Variants in SCN8A observed in about 807,000 individuals in gnomAD.
SCN8A encodes the protein sodium voltage-gated channel alpha subunit 8, also known as sodium channel protein type 8 subunit alpha.
Under a neutral mutation model 184.1 loss-of-function variants are expected in SCN8A, and 30 were observed. The ratio of observed to expected loss-of-function variants is 0.16; its 90% CI spans 0.12 to 0.22. The LOEUF is 0.22. SCN8A is among the 10% of genes least tolerant of loss of function. The pLI, the probability that SCN8A is intolerant of heterozygous loss-of-function variation, is 1.00. For missense variants in SCN8A, 1,057 were observed against 2,498.9 expected, an observed-to-expected ratio of 0.42 and a Z score of 12.30; for synonymous variants, 852 against 907.0, an observed-to-expected ratio of 0.94 and a Z score of 1.09.
At chr12:51,774,040 A>G in intron 19 of SCN8A, 149 bp from the exon 20 acceptor site, 1 of 545,072 alleles carries the variant, frequency 1.8e-6, no homozygotes, top group South Asian at 3.2e-5. Flanking sequence ...TAAAACATAA[A>G]AAGCCTGTGT....
intron 6 of SCN8A, among the ~76,000 whole-genome samples, chr12:51,696,197 G>A (rs572123695): frequency 3.5e-4 from 53 of 152,266 alleles, no homozygotes; most frequent in Admixed American, 7.2e-4. Context: ...TGTCTGAATC[G>A]TCTGGAGAGA....
chr12:51,609,314 A>G (rs1050396605), intron 1 of SCN8A, among the ~76,000 whole-genome samples: 2 of 152,220 alleles, frequency 1.3e-5, no homozygotes, highest in African/African-American at 4.8e-5. Context: ...CCCTTGTTAA[A>G]TGGATTTGTA....
At position 51,704,696 on chromosome 12, in the gene SCN8A, C is replaced by T. The variant is rs560793833; in HGVS notation, c.1135-721C>T. On this transcript the variant is annotated intron_variant, in intron 9 of 26. Coordinates refer to ENST00000627620, the MANE Select transcript of SCN8A (RefSeq NM_001330260.2). ...AAAAAAAAAAAAAAAAAAATGGGTC[C>T]GGGCGTGGTGGCTCACGCCTGTAAT... Among the ~76,000 whole-genome samples the T allele has an allele frequency of 2.0e-4, 30 of 146,734 alleles. No homozygotes were observed. In the East Asian group the frequency reaches 2.9e-3, roughly 14 times the overall value.
At chr12:51,686,282 A>T in intron 3 of SCN8A, 86 bp from the exon 4 acceptor site, 1 of 792,312 alleles carries the variant, frequency 1.3e-6, no homozygotes, top group Non-Finnish European at 2.2e-6. Flanking sequence ...ATTGATTTAG[A>T]TCTGATACCC....
chr12:51,780,144 G>A, intron 20 of SCN8A: 1 of 438,682 alleles, frequency 2.3e-6, no homozygotes, highest in Non-Finnish European at 4.6e-6. Flanking sequence ...TGGTGAATGA[G>A]CTGAGGAGGG....
At chr12:51,626,688 G>A (rs1264747259) in intron 1 of SCN8A, among the ~76,000 whole-genome samples, 1 of 151,838 alleles carries the variant, frequency 6.6e-6, no homozygotes, top group Non-Finnish European at 1.5e-5. Flanking sequence ...ATAAACATTA[G>A]TATTTAGGAC....
chr12:51,781,760 T>C lies in SCN8A; in HGVS notation c.3942+989T>C, dbSNP rs184707123. Among the ~76,000 whole-genome samples, 27 of 152,344 alleles carry C rather than the reference T, an allele frequency of 1.8e-4. No homozygotes were observed. In the East Asian group the frequency reaches 2.9e-3, roughly 16 times the overall value. On this transcript the variant is annotated intron_variant, in intron 21 of 26. Coordinates refer to ENST00000627620, the MANE Select transcript of SCN8A (RefSeq NM_001330260.2). ...GTGGTGATCAGAGAGAGGTCTGTTA[T>C]ACTTAACGAGACCAAGAAAACTCGC... is the stretch of plus-strand genomic sequence containing the variant.
At chr12:51,755,526 G>A (rs1183300045) in intron 14 of SCN8A, among the ~76,000 whole-genome samples, 1 of 152,132 alleles carries the variant, frequency 6.6e-6, no homozygotes, top group African/African-American at 2.4e-5. Context: ...TTTAGAAGTA[G>A]AGATCTAGGC....
chr12:51,806,818 G>C lies in SCN8A; in HGVS notation c.5332G>C (p.Asp1778His). The C allele has an allele frequency of 3.7e-6, 6 of 1,614,210 alleles. No homozygotes were observed. Among genetic ancestry groups the C allele is most frequent in the Non-Finnish European group, 4.2e-6 (5 of 1,180,034 alleles). ...CAGTGTAGCCACAGAGGAAAGTGCA[G>C]ACCCTCTGAGTGAGGATGACTTTGA... Reference protein sequence around the residue: ...NFSVATEESADPLSEDDFETF... With the variant: ...NFSVATEESAHPLSEDDFETF... The change falls in exon 27 of 27, where the codon GAC becomes CAC. Residue 1778 changes from aspartate to histidine, a missense_variant. Physicochemically the swap from Asp to His is moderately conservative, Grantham distance 81. Around this residue, in one of 19 missense-constraint regions of SCN8A, gnomAD observed 50 missense variants for 125.8 expected, o/e 0.40. Transcript: ENST00000627620. The surrounding 1 kb of genome is among the most constrained non-coding windows in gnomAD (Gnocchi z 8.7).
At chr12:51,782,402 G>A (rs111624861) in intron 21 of SCN8A, among the ~76,000 whole-genome samples, 2,068 of 152,286 alleles carry the variant, frequency 0.014, 47 homozygotes, top group African/African-American at 0.043. Flanking sequence ...TTTCCAGAGG[G>A]AGCTAATAAA....
chr12:51,679,864 T>TAC (rs1941298464), intron 2 of SCN8A, among the ~76,000 whole-genome samples: 1 of 151,854 alleles, frequency 6.6e-6, no homozygotes, highest in South Asian at 2.1e-4. Context: ...TAGCTGGGAC[T>TAC]ACAGGCACAT....
intron 13 of SCN8A, among the ~76,000 whole-genome samples, chr12:51,749,739 A>G (rs540436693): frequency 2.0e-5 from 3 of 152,170 alleles, no homozygotes; most frequent in Non-Finnish European, 4.4e-5. Flanking sequence ...TCTAAAATAA[A>G]GCATCGCCAT....
Position 51,684,317 on chromosome 12 carries a change from T to C in SCN8A, c.395+25T>C, listed in dbSNP as rs2271086. ...CATATCCTTTTCGGCAAATGTGGAG[T>C]GAGTGCGGCAATTGCATGGTTGCTT... is the stretch of plus-strand genomic sequence containing the variant. On this transcript the variant is annotated intron_variant, in intron 3 of 26. Coordinates refer to ENST00000627620, the MANE Select transcript of SCN8A (RefSeq NM_001330260.2). The C allele has an allele frequency of 0.017, 18,058 of 1,091,206 alleles. 1,314 individuals are homozygous for C. In the East Asian group the frequency reaches 0.17, roughly 10 times the overall value. 67.6% of individuals were successfully genotyped at this position (1,091,206 alleles called of 1,614,324 possible). A position where few individuals can be genotyped will look rare whatever the true frequency, so the allele number is the denominator to read the frequency against.
intron 2 of SCN8A, among the ~76,000 whole-genome samples, chr12:51,663,491 A>G (rs1164153136): frequency 6.6e-6 from 1 of 152,184 alleles, no homozygotes; most frequent in Non-Finnish European, 1.5e-5. Flanking sequence ...TGTGGTGGAG[A>G]TGGTGTATTT....
At chr12:51,627,887 GAGTGCAA>G (rs1940114943) in intron 1 of SCN8A, among the ~76,000 whole-genome samples, 1 of 152,194 alleles carries the variant, frequency 6.6e-6, no homozygotes, top group Non-Finnish European at 1.5e-5. Context: ...CTGTCTCCTA[GAGTGCAA>G]AGTACATTAT....
intron 11 of SCN8A, among the ~76,000 whole-genome samples, chr12:51,711,222 A>G (rs914815898): frequency 6.6e-6 from 1 of 152,242 alleles, no homozygotes; most frequent in Non-Finnish European, 1.5e-5. Context: ...TGATTATTCT[A>G]TAGGCTTTAG....
intron 1 of SCN8A, among the ~76,000 whole-genome samples, chr12:51,641,177 T>G (rs373713244): frequency 6.6e-6 from 1 of 152,172 alleles, no homozygotes; most frequent in African/African-American, 2.4e-5. Flanking sequence ...TACATCATAT[T>G]AGGTATTATA....
intron 1 of SCN8A, among the ~76,000 whole-genome samples, chr12:51,634,756 C>G (rs1448420345): frequency 6.6e-6 from 1 of 151,084 alleles, no homozygotes; most frequent in Non-Finnish European, 1.5e-5. Context: ...TCAAGCGATT[C>G]TCTGGCCTCA....
intron 12 of SCN8A, among the ~76,000 whole-genome samples, chr12:51,740,409 C>G (rs564669003): frequency 3.9e-5 from 6 of 152,332 alleles, no homozygotes; most frequent in Non-Finnish European, 7.3e-5. Flanking sequence ...CTTTGACCCA[C>G]TGGTCATTCA....
Sources: gnomAD v4.1 joint callset for allele counts (sites outside exome capture counted in the v4.1 genomes callset) on GRCh38, gnomAD v4.1.1 for gene constraint, gnomAD v4.1.1 regional missense constraint, Gnocchi (gnomAD v3.1) non-coding constraint, MANE v1.5 for transcripts, NCBI Gene and HGNC (gene_info 2026-07-23, HGNC 2026-07-21) for gene names.